Variants in NPAS3 observed in about 807,000 individuals in gnomAD.
NPAS3 encodes the protein neuronal PAS domain-containing protein 3.
NPAS3 carries 14 observed loss-of-function variants against 73.1 expected under a neutral mutation model. The ratio of observed to expected loss-of-function variants is 0.19; its 90% CI spans 0.13 to 0.30. The LOEUF is 0.30. Among genes scored for constraint, NPAS3 ranks in the 10% least tolerant of loss-of-function variants. NPAS3 has a pLI of 1.00. For missense variants in NPAS3, 1,096 were observed against 1,250.0 expected (o/e 0.88, Z 1.86); for synonymous variants, 620 against 541.5 (o/e 1.14, Z -2.01).
intron 4 of NPAS3, among the ~76,000 whole-genome samples, chr14:33,558,137 T>C (rs1173286949): frequency 6.6e-6 from 1 of 152,260 alleles, no homozygotes; most frequent in East Asian, 1.9e-4. Flanking sequence ...ATCTGCTCTT[T>C]AGTGGAACAA....
chr14:33,752,029 T>C (rs2061978146), intron 7 of NPAS3, among the ~76,000 whole-genome samples: 1 of 152,150 alleles, frequency 6.6e-6, no homozygotes, highest in Non-Finnish European at 1.5e-5. Flanking sequence ...TCTCTCCTTC[T>C]CCCCAAAAAA....
At chr14:33,419,310 G>C (rs192616154) in intron 4 of NPAS3, among the ~76,000 whole-genome samples, 2 of 151,724 alleles carry the variant, frequency 1.3e-5, no homozygotes, top group African/African-American at 4.8e-5. Context: ...ATGTTATTTA[G>C]TTGCAATATA....
rs559806116 is a variant in NPAS3 at position 33,327,805 on chromosome 14, G to A, written c.386-39381G>A. Among the ~76,000 whole-genome samples, 7 of 152,332 alleles carry A rather than the reference G, an allele frequency of 4.6e-5. No individual in the cohort carries two copies. In the South Asian group the frequency reaches 1.5e-3, roughly 32 times the overall value. On this transcript the variant is annotated intron_variant, in intron 3 of 11. Coordinates refer to ENST00000356141, the Ensembl canonical transcript of NPAS3. ...AACATAAAGTTACTGCAGTTGGCTGGACCGGAGAGTGCATGAAGAGGAATA... is the reference window on the plus strand; with the variant it reads ...AACATAAAGTTACTGCAGTTGGCTGAACCGGAGAGTGCATGAAGAGGAATA...
intron 6 of NPAS3, among the ~76,000 whole-genome samples, chr14:33,734,860 C>T (rs1296986723): frequency 6.6e-6 from 1 of 152,022 alleles, no homozygotes; most frequent in Non-Finnish European, 1.5e-5. Flanking sequence ...CTTAGTTGAC[C>T]TCATAAATCT....
At chr14:33,763,923 T>G (rs890430614) in intron 7 of NPAS3, among the ~76,000 whole-genome samples, 8 of 152,056 alleles carry the variant, frequency 5.3e-5, no homozygotes, top group Non-Finnish European at 8.8e-5. Flanking sequence ...GAATCACTGT[T>G]ATTTGTGGTT....
chr14:33,409,561 A>G (rs2047825490), intron 4 of NPAS3, among the ~76,000 whole-genome samples: 1 of 152,216 alleles, frequency 6.6e-6, no homozygotes, highest in Admixed American at 6.5e-5. Context: ...AATTCATAGT[A>G]TAATTAAGTA....
intron 4 of NPAS3, among the ~76,000 whole-genome samples, chr14:33,438,425 G>A (rs2049087945): frequency 6.6e-6 from 1 of 152,056 alleles, no homozygotes; most frequent in South Asian, 2.1e-4. Context: ...GAAGCACAGG[G>A]GGAAAAAAAG....
chr14:33,186,540 C>G (rs2045980069), intron 2 of NPAS3, among the ~76,000 whole-genome samples: 1 of 152,192 alleles, frequency 6.6e-6, no homozygotes, highest in Admixed American at 6.5e-5. Context: ...ACTGCCATGT[C>G]ATGATGATAG....
At chr14:33,596,611 C>G (rs1196354509) in intron 5 of NPAS3, among the ~76,000 whole-genome samples, 3 of 152,206 alleles carry the variant, frequency 2.0e-5, no homozygotes, top group African/African-American at 7.2e-5. Context: ...ACAACTGCAT[C>G]ATAAACTAGA....
intron 5 of NPAS3, chr14:33,582,064 C>A (rs936202131): frequency 6.6e-6 from 1 of 151,846 alleles, no homozygotes; most frequent in African/African-American, 2.4e-5. Context: ...ATATATGTAC[C>A]CATTCTTATA....
intron 2 of NPAS3, among the ~76,000 whole-genome samples, chr14:33,177,572 C>T (rs529102070): frequency 1.8e-4 from 28 of 152,162 alleles, no homozygotes; most frequent in African/African-American, 6.3e-4. Context: ...CTTTTGTTGT[C>T]ATATCCAAGA....
chr14:33,302,787 A>C (rs184884822), intron 3 of NPAS3, among the ~76,000 whole-genome samples: 7 of 152,302 alleles, frequency 4.6e-5, no homozygotes, highest in Admixed American at 4.6e-4. Flanking sequence ...GGTTAGAAGG[A>C]AATATCTGAG....
At chr14:33,544,334 A>G (rs1409375388) in intron 4 of NPAS3, among the ~76,000 whole-genome samples, 1 of 152,066 alleles carries the variant, frequency 6.6e-6, no homozygotes, top group Non-Finnish European at 1.5e-5. Context: ...ACACATACAT[A>G]TATATGTGTG....
At chr14:33,091,883 T>A (rs1309658214) in intron 2 of NPAS3, among the ~76,000 whole-genome samples, 2 of 152,140 alleles carry the variant, frequency 1.3e-5, no homozygotes, top group Admixed American at 1.3e-4. Flanking sequence ...CATGATTATC[T>A]CAATAGATGC....
chr14:33,236,442 G>A (rs1214386180), intron 3 of NPAS3, among the ~76,000 whole-genome samples: 1 of 152,100 alleles, frequency 6.6e-6, no homozygotes, highest in African/African-American at 2.4e-5. Context: ...TGTGCATGGA[G>A]CTTGGAGAAA....
At chr14:33,643,855 A>G (rs1279385203) in intron 5 of NPAS3, among the ~76,000 whole-genome samples, 1 of 152,172 alleles carries the variant, frequency 6.6e-6, no homozygotes, top group Non-Finnish European at 1.5e-5. Context: ...TAATGTATGT[A>G]AATTTTTGAA....
chr14:33,225,844 A>G (rs2047611443), intron 3 of NPAS3, among the ~76,000 whole-genome samples: 1 of 152,198 alleles, frequency 6.6e-6, no homozygotes, highest in Admixed American at 6.5e-5. Context: ...TTTAGAAACC[A>G]TTATGGTAGA....
At position 32,996,933 on chromosome 14, in the gene NPAS3, G is replaced by T. The variant is rs1298631287; in HGVS notation, c.50+57567G>T. On this transcript the variant is annotated intron_variant, in intron 1 of 11. Transcript: ENST00000356141. ...GGAATGGTAGATCCACCAACAGCTT[G>T]CACCGTGTATCGGGAAAAGCCACAG... is the stretch of plus-strand genomic sequence containing the variant. 2.6e-5 allele frequency among the ~76,000 whole-genome samples: 4 copies of T among 152,178 alleles called. No homozygotes were observed. In the East Asian group the frequency reaches 5.8e-4, roughly 22 times the overall value.
intron 1 of NPAS3, among the ~76,000 whole-genome samples, chr14:32,946,346 GC>G (rs2036254203): frequency 7.6e-6 from 1 of 131,872 alleles, no homozygotes; most frequent in African/African-American, 2.9e-5. Flanking sequence ...ACACACACAC[GC>G]GCACACACAC....
Sources: allele counts gnomAD v4.1 joint callset (sites outside exome capture counted in the v4.1 genomes callset), GRCh38; gene constraint gnomAD v4.1.1; transcripts MANE v1.5; gene names NCBI Gene and HGNC (gene_info 2026-07-23, HGNC 2026-07-21).